Variants in MZF1 observed in about 807,000 individuals in gnomAD.
MZF1 encodes the protein myeloid zinc finger 1.
A neutral mutation model predicts 28.6 loss-of-function variants in MZF1; 24 were observed. The observed-to-expected ratio is 0.84, with a 90% CI of 0.61 to 1.18. MZF1 has a LOEUF of 1.18. Among genes scored for constraint, MZF1 ranks in the 50% most tolerant of loss-of-function variants. MZF1 has a pLI of 0.00. For missense variants in MZF1, 1,166 were observed against 1,026.4 expected (o/e 1.14, Z -1.86); for synonymous variants, 516 against 432.5 (o/e 1.19, Z -2.40).
intron 3 of MZF1, 131 bp from the exon 4 acceptor site, chr19:58,569,717 G>T: frequency 1.3e-6 from 1 of 757,248 alleles, no homozygotes; most frequent in Non-Finnish European, 2.1e-6. Flanking sequence ...GGAGGGCAGT[G>T]CAGGGTAGCT....
chr19:58,564,902 G>GGTTTTTTTTTTTT, intron 5 of MZF1, among the ~76,000 whole-genome samples: 1 of 41,996 alleles, frequency 2.4e-5, no homozygotes, highest in South Asian at 1.2e-3. Flanking sequence ...CCATGTGTGT[G>GGTTTTTTTTTTTT]TTTTTTTTTT....
At position 58,563,336 on chromosome 19, in the gene MZF1, T is replaced by A; in HGVS notation, c.941A>T (p.Glu314Val). ...GGGATCCTCGTCCGTGGGGTCCTGT[T>A]CACTCCTCAGATCGCTGGGGAGCAG... Reference protein sequence around the residue: ...ALLLPSDLRSEQDPTDEDPCR... With the variant: ...ALLLPSDLRSVQDPTDEDPCR... The change falls in exon 6 of 6, where the codon GAA becomes GTA. Residue 314 changes from glutamate (E) to valine (V), a missense_variant. Physicochemically the swap from Glu to Val is moderately radical, Grantham distance 121 (BLOSUM62 -2). Coordinates refer to ENST00000215057, the MANE Select transcript of MZF1 (RefSeq NM_198055.2). 6.2e-7 allele frequency: 1 copy of A among 1,609,228 alleles called. No individual in the cohort carries two copies. The highest frequency in any genetic ancestry group is 8.5e-7 in the Non-Finnish European group (1 of 1,178,178).
rs536663646 is a variant in MZF1, at chr19:58,562,509, C to G, written c.1768G>C (p.Val590Leu). ...GCAAAGGGTTTCTCGCCCGTGTGTA[C>G]GCGGAGATGCTGCGTGAGCGTAGGC... ...QRPTLTQHLR[V>L]HTGEKPFACP... Residue 590 changes from valine (V) to leucine (L), a missense_variant, in exon 6 of 6, where the codon GTA becomes CTA. By Grantham distance (32) the Val-to-Leu change is conservative. Transcript: ENST00000215057. The G allele has an allele frequency of 6.3e-7, 1 of 1,581,558 alleles. No homozygotes were observed. The highest frequency in any genetic ancestry group is 1.1e-5 in the South Asian group (1 of 88,250).
At chr19:58,570,555 T>G in intron 2 of MZF1, 28 bp from the exon 3 acceptor site, 1 of 1,602,934 alleles carries the variant, frequency 6.2e-7, no homozygotes, top group Non-Finnish European at 8.5e-7. Flanking sequence ...CCATCAGAAG[T>G]CCTACCAGAG....
At chr19:58,566,512 C>G (rs149692327) in intron 5 of MZF1, among the ~76,000 whole-genome samples, 61 of 152,188 alleles carry the variant, frequency 4.0e-4, no homozygotes, top group African/African-American at 1.5e-3. Flanking sequence ...TGTACAGAAT[C>G]TTTTTACAAA....
At chr19:58,569,242 G>T in intron 5 of MZF1, 35 bp downstream of exon 5, 2 of 1,546,576 alleles carry the variant, frequency 1.3e-6, no homozygotes. Context: ...TGTCCATGCG[G>T]AAGGCCTAGT....
At chr19:58,572,299 C>CAGCA (rs891019513) in intron 1 of MZF1, among the ~76,000 whole-genome samples, 15 of 152,248 alleles carry the variant, frequency 9.9e-5, no homozygotes, top group Non-Finnish European at 1.5e-4. Flanking sequence ...AGCTCCCAGG[C>CAGCA]AGCACCCTCT....
rs781413469 is a variant in MZF1 at position 58,562,878 on chromosome 19, C to T, written c.1399G>A (p.Gly467Ser). The change falls in exon 6 of 6, where the codon GGC becomes AGC. Residue 467 changes from glycine to serine, a missense_variant. Physicochemically the swap from Gly to Ser is moderately conservative, Grantham distance 56. Transcript: ENST00000215057. ...GGGGCCGGGGGCTTAGCGCCAGGGC[C>T]CGGGGGATCGCCGTGGATGCGCTGG... ...QHQRIHGDPPGPGAKPPAPPG... is the reference protein window; with the variant it reads ...QHQRIHGDPPSPGAKPPAPPG... 2 of 1,533,000 alleles carry T rather than the reference C, an allele frequency of 1.3e-6. No individual in the cohort carries two copies. Among genetic ancestry groups the T allele is most frequent in the Admixed American group, 1.9e-5 (1 of 51,956 alleles). The allele number at this position is 1,533,000 out of a possible 1,614,324, so 95.0% of individuals were successfully genotyped here. A position where few individuals can be genotyped will look rare whatever the true frequency, so the allele number is the denominator to read the frequency against.
At chr19:58,567,779 A>G (rs905806154) in intron 5 of MZF1, among the ~76,000 whole-genome samples, 1 of 152,206 alleles carries the variant, frequency 6.6e-6, no homozygotes, top group African/African-American at 2.4e-5. Context: ...CCTCTCTTGC[A>G]TATAAGCCAA....
chr19:58,567,478 A>C (rs1054828925), intron 5 of MZF1, among the ~76,000 whole-genome samples: 1 of 152,372 alleles, frequency 6.6e-6, no homozygotes, highest in South Asian at 2.1e-4. Flanking sequence ...AAACAGTCCC[A>C]TTGGATGCTG....
chr19:58,570,087 A>AC, intron 3 of MZF1: 1 of 428,102 alleles, frequency 2.3e-6, no homozygotes, highest in African/African-American at 2.0e-5. Flanking sequence ...GTACTGGGAA[A>AC]CCCCAACAGC....
rs2053954376 is a variant in MZF1, at chr19:58,562,682, C to T, written c.1595G>A (p.Arg532Gln). 1 of 1,538,654 alleles carries T rather than the reference C, an allele frequency of 6.5e-7. No homozygotes were observed. The highest frequency in any genetic ancestry group is 8.7e-7 in the Non-Finnish European group (1 of 1,148,402). Reference protein sequence around the residue: ...FGRRSVLLQHRRVHSGERPFA... With the variant: ...FGRRSVLLQHQRVHSGERPFA... ...GGGCCGCTCGCCACTGTGCACGCGCCGGTGCTGCAGCAGCACTGAGCGGCG... is the reference window on the plus strand; with the variant it reads ...GGGCCGCTCGCCACTGTGCACGCGCTGGTGCTGCAGCAGCACTGAGCGGCG... The change falls in exon 6 of 6, where the codon CGG becomes CAG. Residue 532 changes from arginine (R) to glutamine (Q), a missense_variant. Transcript: ENST00000215057.
rs1600099960 is a variant in MZF1 at position 58,564,898 on chromosome 19, G to GTTTTTTTTTTTTTTTTTTTTTTTT, written c.773-1395_773-1394insAAAAAAAAAAAAAAAAAAAAAAAA. 1.3e-4 allele frequency among the ~76,000 whole-genome samples: 12 copies of GTTTTTTTTTTTTTTTTTTTTTTTT among 91,946 alleles called. 2 individuals carry two copies. Among genetic ancestry groups the GTTTTTTTTTTTTTTTTTTTTTTTT allele is most frequent in the African/African-American group, 6.3e-4 (12 of 18,946 alleles). 60.3% of individuals were successfully genotyped at this position (91,946 alleles called of 152,430 possible). The stretch of plus-strand genomic sequence containing the variant: ...CAGGGTGGAGAATAAGCATCCATGT[G>GTTTTTTTTTTTTTTTTTTTTTTTT]TGTGTTTTTTTTTTTTTTTTTTTTT... On this transcript the variant is annotated intron_variant, in intron 5 of 5. Transcript: ENST00000215057.
chr19:58,566,399 A>G (rs1353071781), intron 5 of MZF1, among the ~76,000 whole-genome samples: 2 of 152,096 alleles, frequency 1.3e-5, no homozygotes, highest in African/African-American at 2.4e-5. Context: ...GTGAGCCGAG[A>G]TCGCGCCATT....
rs2053954996 is a variant in MZF1, at chr19:58,562,707, G to A, written c.1570C>T (p.Arg524Cys). The A allele has an allele frequency of 2.0e-6, 3 of 1,536,232 alleles. No homozygotes were observed. Among genetic ancestry groups the A allele is most frequent in the Middle Eastern group, 1.9e-4 (1 of 5,392 alleles). The stretch of plus-strand genomic sequence containing the variant: ...CGGTGCTGCAGCAGCACTGAGCGGC[G>A]GCCGAAGCGCTCGCCGCACTCGACG... ...GCVECGERFGRRSVLLQHRRV... is the reference protein window; with the variant it reads ...GCVECGERFGCRSVLLQHRRV... Residue 524 changes from arginine (R) to cysteine (C), a missense_variant, in exon 6 of 6, where the codon CGC (arginine) becomes TGC (cysteine). Coordinates refer to ENST00000215057, the MANE Select transcript of MZF1 (RefSeq NM_198055.2).
In MZF1 at chr19:58,562,812, C is replaced by T. The variant is rs1371266289; in HGVS notation, c.1465G>A (p.Glu489Lys). 7.8e-6 allele frequency: 12 copies of T among 1,534,958 alleles called. No homozygotes were observed. Among genetic ancestry groups the T allele is most frequent in the African/African-American group, 2.7e-5 (2 of 72,980 alleles). ...PEPPGPFPCS[E>K]CRESFARRAV... ...CGCCGCGCGAAGCTCTCGCGGCACTCGCTGCACGGAAAGGGGCCGGGAGGC... is the reference window on the plus strand; with the variant it reads ...CGCCGCGCGAAGCTCTCGCGGCACTTGCTGCACGGAAAGGGGCCGGGAGGC... Residue 489 changes from glutamate to lysine, a missense_variant, in exon 6 of 6, where the codon GAG becomes AAG. Transcript: ENST00000215057.
chr19:58,570,570 A>C (rs1245252604), intron 2 of MZF1, 43 bp from the exon 3 acceptor site: 2 of 1,579,720 alleles, frequency 1.3e-6, no homozygotes, highest in East Asian at 4.5e-5. Flanking sequence ...CCAGAGAGTA[A>C]GGCTGGCCGC....
intron 5 of MZF1, among the ~76,000 whole-genome samples, chr19:58,566,758 G>A (rs2054064857): frequency 6.6e-6 from 1 of 152,056 alleles, no homozygotes; most frequent in Admixed American, 6.6e-5. Context: ...AGGATCACTT[G>A]AGGTCAGGAG....
rs1015134616 is a variant in MZF1 at position 58,562,773 on chromosome 19, C to G, written c.1504G>C (p.Glu502Gln). 7 of 1,535,138 alleles carry G rather than the reference C, an allele frequency of 4.6e-6. No individual in the cohort carries two copies. The highest frequency in any genetic ancestry group is 5.2e-6 in the Non-Finnish European group (6 of 1,146,696). The change falls in exon 6 of 6, where the codon GAG (glutamate) becomes CAG (glutamine). Residue 502 changes from glutamate to glutamine, a missense_variant. Glu to Gln is a conservative substitution (Grantham distance 29). Transcript: ENST00000215057. ...ESFARRAVLL[E>Q]HQAVHTGDKS... is the part of the protein sequence containing the mutation. ...TCGCCCGTGTGTACCGCCTGGTGCT[C>G]CAGCAGCACGGCGCGCCGCGCGAAG...
Sources: allele counts gnomAD v4.1 joint callset (sites outside exome capture counted in the v4.1 genomes callset), GRCh38; gene constraint gnomAD v4.1.1; transcripts MANE v1.5; gene names NCBI Gene and HGNC (gene_info 2026-07-23, HGNC 2026-07-21).